TENM3: variants seen among roughly 807,000 people sequenced by gnomAD.
TENM3 encodes the protein teneurin transmembrane protein 3, also known as teneurin-3.
TENM3 carries 63 observed loss-of-function variants against 255.1 expected under a neutral mutation model. The observed-to-expected ratio is 0.25, with a 90% CI of 0.20 to 0.30. The LOEUF (loss-of-function observed/expected upper bound fraction) is 0.30, where lower values mean the gene tolerates loss of function less well. TENM3 is among the 10% of genes least tolerant of loss of function. TENM3 has a pLI of 1.00. For synonymous variants in TENM3, 1,306 were observed against 1,322.3 expected (o/e 0.99, Z 0.27); for missense variants, 2,929 against 3,461.1 (o/e 0.85, Z 3.86).
chr4:182,329,649 G>GT (rs1763629808), intron 2 of TENM3, among the ~76,000 whole-genome samples: 1 of 152,070 alleles, frequency 6.6e-6, no homozygotes, highest in South Asian at 2.1e-4. Context: ...ATAAAACATT[G>GT]TAACTAAAGC....
chr4:182,238,469 C>T (rs1757028518), upstream of TENM3, among the ~76,000 whole-genome samples: 1 of 152,170 alleles, frequency 6.6e-6, no homozygotes, highest in Admixed American at 6.5e-5. Flanking sequence ...CCTCTATGCC[C>T]TTACTCTGCT....
At chr4:182,343,813 A>G (rs758111023) in intron 2 of TENM3, among the ~76,000 whole-genome samples, 3 of 152,232 alleles carry the variant, frequency 2.0e-5, no homozygotes, top group Non-Finnish European at 4.4e-5. Flanking sequence ...GTTTAAGGTT[A>G]GATCTTTCCA....
the TENM3 span, among the ~76,000 whole-genome samples, chr4:182,059,521 G>A: frequency 6.6e-6 from 1 of 151,712 alleles, no homozygotes; most frequent in East Asian, 1.9e-4. Context: ...TACTGGAAGG[G>A]AAGTTCCACT....
chr4:182,081,860 T>TAA, the TENM3 span: 3 of 152,140 alleles, frequency 2.0e-5, no homozygotes, highest in Non-Finnish European at 4.4e-5. Flanking sequence ...TATTCCTGTG[T>TAA]CTTTTAGGTT....
At chr4:182,157,459 G>A (rs752072032) in intron 1 of TENM3, among the ~76,000 whole-genome samples, 2 of 152,144 alleles carry the variant, frequency 1.3e-5, no homozygotes, top group African/African-American at 2.4e-5. Context: ...CTGACACAGT[G>A]CCTGGCCCTG....
the TENM3 span, among the ~76,000 whole-genome samples, chr4:181,911,240 T>C: frequency 5.3e-5 from 8 of 152,156 alleles, no homozygotes. Context: ...TCAAGCTGCA[T>C]TTCCAATGAA....
At chr4:182,030,931 A>C in the TENM3 span, among the ~76,000 whole-genome samples, 6 of 152,200 alleles carry the variant, frequency 3.9e-5, no homozygotes, top group Non-Finnish European at 7.4e-5. Flanking sequence ...ATTTGTTTAA[A>C]TTCCTTGTAA....
At chr4:181,817,533 C>T in the TENM3 span, among the ~76,000 whole-genome samples, 3 of 152,188 alleles carry the variant, frequency 2.0e-5, no homozygotes, top group African/African-American at 7.2e-5. Flanking sequence ...CTGCTATAGT[C>T]AGAATGTGTG....
the TENM3 span, among the ~76,000 whole-genome samples, chr4:181,616,092 G>A: frequency 6.6e-6 from 1 of 151,918 alleles, no homozygotes; most frequent in Middle Eastern, 3.4e-3. Context: ...CAACACAAAT[G>A]CAAAATGTCA....
chr4:181,760,820 C>A, the TENM3 span, among the ~76,000 whole-genome samples: 11 of 152,010 alleles, frequency 7.2e-5, no homozygotes, highest in Non-Finnish European at 1.3e-4. Context: ...GGTTCCTCTC[C>A]TTCCTCTCCT....
At chr4:181,892,901 C>T in the TENM3 span, among the ~76,000 whole-genome samples, 1 of 152,098 alleles carries the variant, frequency 6.6e-6, no homozygotes, top group Admixed American at 6.6e-5. Context: ...ATTTAACATT[C>T]CAGAAGAGGA....
the TENM3 span, among the ~76,000 whole-genome samples, chr4:182,032,037 C>G: frequency 6.6e-5 from 10 of 152,214 alleles, no homozygotes; most frequent in South Asian, 2.1e-4. Context: ...ATCTGAACAC[C>G]CTTTATTTTT....
intron 1 of TENM3, among the ~76,000 whole-genome samples, chr4:182,155,800 G>A (rs920293878): frequency 1.4e-4 from 21 of 151,960 alleles, no homozygotes; most frequent in Non-Finnish European, 2.1e-4. Flanking sequence ...TTGTCTGATC[G>A]AGAAACATTA....
chr4:182,767,576 G>A (rs1218547949), intron 22 of TENM3, among the ~76,000 whole-genome samples: 3 of 152,144 alleles, frequency 2.0e-5, no homozygotes, highest in Non-Finnish European at 4.4e-5. Context: ...TAAAATGTGT[G>A]TGTGTGTTTC....
chr4:182,356,621 T>G (rs1765556400), intron 3 of TENM3, among the ~76,000 whole-genome samples: 1 of 152,106 alleles, frequency 6.6e-6, no homozygotes, highest in Non-Finnish European at 1.5e-5. Context: ...GCGTCTGACC[T>G]CTGAGAATCA....
In TENM3 at chr4:182,372,467, T is replaced by C. The variant is rs116057585; in HGVS notation, c.511+25538T>C. 9.2e-3 allele frequency among the ~76,000 whole-genome samples: 1,406 copies of C among 152,314 alleles called. 14 individuals are homozygous for C. The highest frequency in any genetic ancestry group is 0.014 in the Non-Finnish European group (938 of 68,038). ...TTTTAAGCTTTAAATATATCATAAT[T>C]CCTTCTATTTCTTCCATAGTTCTTC... On this transcript the variant is annotated intron_variant, in intron 3 of 27. Coordinates refer to ENST00000511685, the MANE Select transcript of TENM3 (RefSeq NM_001080477.4).
chr4:182,495,266 T>G (rs945361306), intron 3 of TENM3, among the ~76,000 whole-genome samples: 3 of 152,206 alleles, frequency 2.0e-5, no homozygotes, highest in Non-Finnish European at 4.4e-5. Context: ...GCCTTTCTCA[T>G]AATGCCTGAA....
chr4:181,882,770 C>A, the TENM3 span, among the ~76,000 whole-genome samples: 1 of 152,132 alleles, frequency 6.6e-6, no homozygotes, highest in Non-Finnish European at 1.5e-5. Flanking sequence ...TCATCTAGTC[C>A]AACACTTTCT....
the TENM3 span, among the ~76,000 whole-genome samples, chr4:181,800,239 G>A: frequency 6.6e-6 from 1 of 152,124 alleles, no homozygotes; most frequent in South Asian, 2.1e-4. Context: ...ACTGAACCAT[G>A]GTCACCAGAT....
Sources: allele counts gnomAD v4.1 joint callset (sites outside exome capture counted in the v4.1 genomes callset), GRCh38; gene constraint gnomAD v4.1.1; transcripts MANE v1.5; gene names NCBI Gene and HGNC (gene_info 2026-07-23, HGNC 2026-07-21).